GPHN: variants seen among roughly 807,000 people sequenced by gnomAD.
GPHN encodes gephyrin.
In GPHN, 17 loss-of-function variants were observed where a neutral mutation model predicts 95.5. That is an observed-to-expected ratio of 0.18 (90% CI 0.12 to 0.27). The LOEUF is 0.27. GPHN is among the 10% of genes least tolerant of loss of function. GPHN has a pLI of 1.00. For synonymous variants in GPHN, 320 were observed against 322.5 expected (o/e 0.99, Z 0.08); for missense variants, 660 against 978.1 (o/e 0.67, Z 4.34).
chr14:66,794,119 G>A (rs1031889309), intron 3 of GPHN, among the ~76,000 whole-genome samples: 14 of 152,140 alleles, frequency 9.2e-5, no homozygotes, highest in Non-Finnish European at 5.9e-5. Flanking sequence ...ATATAGTCTG[G>A]ATCTGTGTCC....
At chr14:66,782,124 G>GA (rs2059627634) in intron 3 of GPHN, among the ~76,000 whole-genome samples, 1 of 152,046 alleles carries the variant, frequency 6.6e-6, no homozygotes, top group South Asian at 2.1e-4. Context: ...CAGCCCATGG[G>GA]AAAAATCCTG....
chr14:66,590,798 A>AT (rs1362432139), intron 1 of GPHN, among the ~76,000 whole-genome samples: 1 of 152,190 alleles, frequency 6.6e-6, no homozygotes, highest in Non-Finnish European at 1.5e-5. Context: ...TCCCTAACTC[A>AT]TTTTTTGAGA....
rs200899301 is a variant in GPHN, at chr14:66,752,948, AAAG to A, written c.144-23514_144-23512del. ...ATAGGAGTGGTTAAAAAAAAAAAAA[AAAG>A]AGAAGAGAGATTGATTTAATAAATA... On this transcript the variant is annotated intron_variant, in intron 2 of 22. Transcript: ENST00000478722. Among the ~76,000 whole-genome samples, 1,101 of 151,890 alleles carry A rather than the reference AAAG, an allele frequency of 7.2e-3. 5 individuals are homozygous for A. Among genetic ancestry groups the A allele is most frequent in the Non-Finnish European group, 0.01 (698 of 67,934 alleles).
intron 3 of GPHN, among the ~76,000 whole-genome samples, chr14:66,815,156 A>G (rs2060914217): frequency 6.6e-6 from 1 of 152,244 alleles, no homozygotes; most frequent in Admixed American, 6.5e-5. Flanking sequence ...CTTCCAAGAA[A>G]TATGGGATTA....
At chr14:67,259,125 G>C in the GPHN span, among the ~76,000 whole-genome samples, 1 of 151,774 alleles carries the variant, frequency 6.6e-6, no homozygotes, top group Admixed American at 6.6e-5. Flanking sequence ...TTACAGATGT[G>C]AGCCACTGCA....
At chr14:67,251,513 A>G in the GPHN span, among the ~76,000 whole-genome samples, 1 of 152,192 alleles carries the variant, frequency 6.6e-6, no homozygotes, top group Admixed American at 6.5e-5. Context: ...AGCCTGGTCA[A>G]CAGCAACAGA....
chr14:66,753,683 G>A (rs866921461), intron 2 of GPHN, among the ~76,000 whole-genome samples: 6 of 152,002 alleles, frequency 3.9e-5, no homozygotes, highest in Admixed American at 6.6e-5. Context: ...AAAATAAAAC[G>A]AATATAATTT....
chr14:66,755,917 C>G (rs898890000), intron 2 of GPHN, among the ~76,000 whole-genome samples: 116 of 152,098 alleles, frequency 7.6e-4, no homozygotes, highest in African/African-American at 2.7e-3. Context: ...TACAACAATC[C>G]ACTTGTCCTG....
At chr14:66,755,172 A>T (rs921852666) in intron 2 of GPHN, among the ~76,000 whole-genome samples, 3 of 152,106 alleles carry the variant, frequency 2.0e-5, no homozygotes, top group Admixed American at 2.0e-4. Flanking sequence ...AGTATCGGTT[A>T]TATAGAGGTA....
intron 9 of GPHN, among the ~76,000 whole-genome samples, chr14:66,997,346 G>A (rs956984040): frequency 6.2e-5 from 9 of 146,120 alleles, no homozygotes; most frequent in Admixed American, 3.5e-4. Flanking sequence ...TAGCCTGGGC[G>A]ATAGAGTGAG....
the GPHN span, among the ~76,000 whole-genome samples, chr14:67,694,478 A>ATT: frequency 2.1e-5 from 1 of 47,778 alleles, no homozygotes. Context: ...ATATATATAT[A>ATT]CACACACACA....
At chr14:67,010,277 G>A (rs952745270) in intron 9 of GPHN, among the ~76,000 whole-genome samples, 14 of 151,650 alleles carry the variant, frequency 9.2e-5, no homozygotes, top group South Asian at 2.1e-4. Flanking sequence ...TAGGCCGGGC[G>A]CGGTGGCTCA....
intron 9 of GPHN, among the ~76,000 whole-genome samples, chr14:67,020,415 T>G (rs1156983542): frequency 1.3e-5 from 2 of 152,166 alleles, no homozygotes; most frequent in Non-Finnish European, 2.9e-5. Context: ...ATCTAAAGAT[T>G]GTTGTTGTTT....
intron 17 of GPHN, among the ~76,000 whole-genome samples, chr14:67,128,280 G>A (rs1184405038): frequency 1.4e-5 from 2 of 147,824 alleles, no homozygotes; most frequent in Admixed American, 6.7e-5. Context: ...TTTTTGAGAC[G>A]GAGTCTCGCT....
intron 9 of GPHN, among the ~76,000 whole-genome samples, chr14:67,007,331 T>G (rs1459918608): frequency 3.9e-5 from 6 of 152,208 alleles, no homozygotes; most frequent in African/African-American, 1.4e-4. Flanking sequence ...GTAAATACAG[T>G]AATTGAACCA....
the GPHN span, among the ~76,000 whole-genome samples, chr14:67,452,571 C>T: frequency 6.6e-6 from 1 of 152,194 alleles, no homozygotes; most frequent in Non-Finnish European, 1.5e-5. Flanking sequence ...CCTTAACTTA[C>T]TGGCAGGACT....
At chr14:67,665,801 GATACTTCAGACAATTTTCTCC>G in the GPHN span, among the ~76,000 whole-genome samples, 1 of 152,008 alleles carries the variant, frequency 6.6e-6, no homozygotes, top group Non-Finnish European at 1.5e-5. Context: ...ATATACACAA[GATACTTCAGACAATTTTCTCC>G]ATACCACTCA....
At chr14:66,896,079 A>G (rs914221518) in intron 5 of GPHN, among the ~76,000 whole-genome samples, 9 of 152,048 alleles carry the variant, frequency 5.9e-5, no homozygotes, top group African/African-American at 2.2e-4. Flanking sequence ...CTAGCTCCTG[A>G]CGGCTTCTTT....
At chr14:66,546,545 G>A (rs1436700353) in intron 1 of GPHN, among the ~76,000 whole-genome samples, 4 of 152,208 alleles carry the variant, frequency 2.6e-5, no homozygotes, top group Non-Finnish European at 4.4e-5. Flanking sequence ...GAGGCTGGCC[G>A]GATCACTCAC....
Sources: gnomAD v4.1 joint callset for allele counts (sites outside exome capture counted in the v4.1 genomes callset) on GRCh38, gnomAD v4.1.1 for gene constraint, MANE v1.5 for transcripts, NCBI Gene and HGNC (gene_info 2026-07-23, HGNC 2026-07-21) for gene names.